Variants in CA10 observed in about 807,000 individuals in gnomAD.
The protein encoded by CA10 is carbonic anhydrase 10 (inactive).
Under a neutral mutation model 44.2 loss-of-function variants are expected in CA10, and 14 were observed. That is an observed-to-expected ratio of 0.32 (90% CI 0.21 to 0.50). CA10 has a LOEUF of 0.50. Among genes scored for constraint, CA10 ranks in the 20% least tolerant of loss-of-function variants. The pLI is 0.99. For missense variants in CA10, 350 were observed against 409.7 expected, an observed-to-expected ratio of 0.85 and a Z score of 1.26; for synonymous variants, 159 against 141.6, an observed-to-expected ratio of 1.12 and a Z score of -0.87.
intron 3 of CA10, among the ~76,000 whole-genome samples, chr17:51,793,755 C>G (rs558875584): frequency 9.8e-4 from 149 of 152,316 alleles, no homozygotes; most frequent in Admixed American, 2.0e-3. Flanking sequence ...TTGTGTCTTT[C>G]AGACAGATGT....
intron 1 of CA10, among the ~76,000 whole-genome samples, chr17:52,089,289 A>C (rs1470882961): frequency 6.6e-6 from 1 of 152,190 alleles, no homozygotes; most frequent in Non-Finnish European, 1.5e-5. Flanking sequence ...GGTCTTGGTG[A>C]GTGTACAATG....
At chr17:52,044,917 A>C (rs1416237773) in intron 2 of CA10, among the ~76,000 whole-genome samples, 1 of 151,944 alleles carries the variant, frequency 6.6e-6, no homozygotes, top group African/African-American at 2.4e-5. Flanking sequence ...CTGTGAAGAA[A>C]TCATGGCCAA....
At chr17:52,044,418 C>T (rs572252867) in intron 2 of CA10, among the ~76,000 whole-genome samples, 1 of 152,226 alleles carries the variant, frequency 6.6e-6, no homozygotes, top group Admixed American at 6.5e-5. Flanking sequence ...ATCCTCCCAC[C>T]TCAGCTTCTC....
Position 51,649,176 on chromosome 17 carries a change from A to G in CA10, c.634+6T>C, listed in dbSNP as rs1913457267. ...GTTGCTGTGGAGGAAATTGAACCAAACTTACTTTTATATGTTATTCTTGTG... is the reference window on the plus strand; with the variant it reads ...GTTGCTGTGGAGGAAATTGAACCAAGCTTACTTTTATATGTTATTCTTGTG... On this transcript the variant is annotated splice_donor_region_variant and intron_variant, in intron 6 of 8. Transcript: ENST00000451037. 1 of 1,608,256 alleles carries G rather than the reference A, an allele frequency of 6.2e-7. No individual in the cohort carries two copies. Among genetic ancestry groups the G allele is most frequent in the East Asian group, 2.2e-5 (1 of 44,838 alleles).
At chr17:51,773,063 T>C (rs569751350) in intron 3 of CA10, among the ~76,000 whole-genome samples, 88 of 152,310 alleles carry the variant, frequency 5.8e-4, no homozygotes, top group African/African-American at 2.0e-3. Context: ...AGTCAGCATC[T>C]TAGTTGCTTT....
intron 1 of CA10, among the ~76,000 whole-genome samples, chr17:52,126,523 C>T (rs1320128328): frequency 6.6e-6 from 1 of 152,168 alleles, no homozygotes; most frequent in Non-Finnish European, 1.5e-5. Context: ...ACTGCTGTGC[C>T]CTTGAAAGCA....
chr17:52,159,554 C>G (rs1045008989), upstream of CA10: 1 of 152,308 alleles, frequency 6.6e-6, no homozygotes, highest in Non-Finnish European at 1.5e-5. Flanking sequence ...GGATACTTTC[C>G]GCCAACGACA....
chr17:51,882,636 G>A lies in CA10; in HGVS notation c.279+48354C>T, dbSNP rs555904779. ...ATGTCAAGTACTTGGTACTCATAGG[G>A]TGATGCTCCCTATGGCTTTTGGGCT... On this transcript the variant is annotated intron_variant, in intron 3 of 8. Coordinates refer to ENST00000451037, the MANE Select transcript of CA10 (RefSeq NM_020178.5). Among the ~76,000 whole-genome samples, 14 of 152,266 alleles carry A rather than the reference G, an allele frequency of 9.2e-5. No homozygotes were observed. The East Asian group carries it at 2.7e-3, about 29-fold the overall frequency.
chr17:51,682,367 G>A (rs1052661670), intron 4 of CA10, among the ~76,000 whole-genome samples: 22 of 152,186 alleles, frequency 1.4e-4, no homozygotes, highest in African/African-American at 5.3e-4. Context: ...GCCACTGTGA[G>A]GAGGCTGAAT....
chr17:51,891,167 G>A (rs747961054), intron 3 of CA10, among the ~76,000 whole-genome samples: 1 of 152,182 alleles, frequency 6.6e-6, no homozygotes, highest in Non-Finnish European at 1.5e-5. Context: ...TTACCACGGA[G>A]ACACTAAGGA....
intron 4 of CA10, among the ~76,000 whole-genome samples, chr17:51,694,302 A>G (rs1428393916): frequency 6.6e-6 from 1 of 151,880 alleles, no homozygotes; most frequent in African/African-American, 2.4e-5. Context: ...TTTTCTCCAC[A>G]GCTTGCCAGT....
chr17:51,636,631 C>A (rs1250857135), intron 6 of CA10, among the ~76,000 whole-genome samples: 1 of 152,132 alleles, frequency 6.6e-6, no homozygotes, highest in Non-Finnish European at 1.5e-5. Flanking sequence ...ATGAGATGGA[C>A]AATTAAAGCT....
chr17:51,758,972 T>C (rs1434010218), intron 3 of CA10, among the ~76,000 whole-genome samples: 1 of 152,266 alleles, frequency 6.6e-6, no homozygotes, highest in Admixed American at 6.5e-5. Flanking sequence ...TGCTTCACTG[T>C]GCTTCTCTTA....
chr17:51,764,087 A>C (rs757162035), intron 3 of CA10, among the ~76,000 whole-genome samples: 6 of 152,052 alleles, frequency 3.9e-5, no homozygotes, highest in Non-Finnish European at 5.9e-5. Context: ...TGTTTGTAGG[A>C]GGCCTCCTAA....
In CA10 at chr17:52,123,371, G is replaced by GGGGTGTGT. The variant is rs1555568608; in HGVS notation, c.61+34354_61+34355insACACACCC. Among the ~76,000 whole-genome samples, 428 of 146,334 alleles carry GGGGTGTGT rather than the reference G, an allele frequency of 2.9e-3. 3 individuals are homozygous for GGGGTGTGT. The highest frequency in any genetic ancestry group is 0.01 in the Middle Eastern group (3 of 288). On this transcript the variant is annotated intron_variant, in intron 1 of 8. Transcript: ENST00000451037. ...TGTGTGTATGTGTGTATATATATGGGGTGTGTGTGTGTGTGTGTGTGTGTG... is the reference window on the plus strand; with the variant it reads ...TGTGTGTATGTGTGTATATATATGGGGGGTGTGTGTGTGTGTGTGTGTGTGTGTGTGTG...
intron 1 of CA10, among the ~76,000 whole-genome samples, chr17:52,072,760 C>G (rs1987719271): frequency 6.6e-6 from 1 of 150,956 alleles, no homozygotes; most frequent in South Asian, 2.1e-4. Context: ...AGACAGTAGG[C>G]AGATCCCATC....
At chr17:51,874,961 TTTTTTTTCTTTTCTTTTC>T (rs1218038427) in intron 3 of CA10, among the ~76,000 whole-genome samples, 2 of 1,408 alleles carry the variant, frequency 1.4e-3, no homozygotes, top group Non-Finnish European at 1.5e-3. Context: ...TTTTTTTTTC[TTTTTTTTCTTTTCTTTTC>T]TTTTCTTTTC....
At chr17:51,901,001 A>T (rs56301272) in intron 3 of CA10, among the ~76,000 whole-genome samples, 14,933 of 152,096 alleles carry the variant, frequency 0.098, 912 homozygotes, top group African/African-American at 0.18. Flanking sequence ...TTCTGAATTT[A>T]ATGTCTGTCA....
chr17:51,736,754 T>C (rs1484136960), intron 4 of CA10, among the ~76,000 whole-genome samples: 1 of 152,126 alleles, frequency 6.6e-6, no homozygotes, highest in Non-Finnish European at 1.5e-5. Flanking sequence ...CCTTGCTTGT[T>C]ATAAAGAAGA....
Sources: allele counts gnomAD v4.1 joint callset (sites outside exome capture counted in the v4.1 genomes callset), GRCh38; gene constraint gnomAD v4.1.1; transcripts MANE v1.5; gene names NCBI Gene and HGNC (gene_info 2026-07-23, HGNC 2026-07-21).